Variants in GRK4 observed in about 807,000 individuals in gnomAD.
GRK4 encodes G protein-coupled receptor kinase 2-like.
In GRK4, 73 loss-of-function variants were observed where a neutral mutation model predicts 77.9. The observed-to-expected ratio is 0.94, with a 90% CI of 0.78 to 1.14. The LOEUF is 1.14. Among genes scored for constraint, GRK4 ranks in the 50% most tolerant of loss-of-function variants. The probability of loss-of-function intolerance (pLI) is 0.00; values close to 1 mark genes in which losing one functional copy is unlikely to be tolerated. For synonymous variants in GRK4, 257 were observed against 254.4 expected (o/e 1.01, Z -0.10); for missense variants, 729 against 700.2 (o/e 1.04, Z -0.46).
In GRK4 at chr4:3,019,794, G is replaced by A. The variant is rs773963698; in HGVS notation, c.895G>A (p.Gly299Ser). Residue 299 changes from glycine to serine, a missense_variant, in exon 9 of 16, where the codon GGC becomes AGC. By Grantham distance (56) the Gly-to-Ser change is moderately conservative. Coordinates refer to ENST00000398052, the MANE Select transcript of GRK4 (RefSeq NM_182982.3). ...TTTCTATGCTGCAGAGCTGTGTTGC[G>A]GCTTGGAAGATTTACAGAGGGAAAG... ...AVFYAAELCC[G>S]LEDLQRERIV... The A allele has an allele frequency of 1.6e-5, 26 of 1,613,984 alleles. No individual in the cohort carries two copies. In the South Asian group the frequency reaches 1.8e-4, roughly 11 times the overall value.
At chr4:2,973,066 C>T (rs1459713776) in intron 1 of GRK4, among the ~76,000 whole-genome samples, 1 of 152,188 alleles carries the variant, frequency 6.6e-6, no homozygotes, top group Admixed American at 6.5e-5. Context: ...AGTGTGGGGT[C>T]AGTTAGATGC....
intron 1 of GRK4, among the ~76,000 whole-genome samples, chr4:2,977,364 T>C (rs937298903): frequency 4.6e-5 from 7 of 152,186 alleles, no homozygotes; most frequent in Non-Finnish European, 8.8e-5. Context: ...CTGAACTAAA[T>C]GTGTTGCTGC....
At chr4:2,985,984 CAA>C (rs1181104072) in intron 2 of GRK4, among the ~76,000 whole-genome samples, 8 of 91,680 alleles carry the variant, frequency 8.7e-5, no homozygotes, top group Admixed American at 1.2e-4. Flanking sequence ...GACTCCGTCT[CAA>C]AAAAAAAAAA....
intron 7 of GRK4, among the ~76,000 whole-genome samples, chr4:3,013,356 A>C (rs967910654): frequency 3.3e-5 from 5 of 152,066 alleles, no homozygotes; most frequent in Admixed American, 3.3e-4. Flanking sequence ...CCAGCTGAAA[A>C]AGAATCTTTT....
chr4:2,983,880 G>A (rs1189671790), intron 1 of GRK4, among the ~76,000 whole-genome samples: 1 of 152,204 alleles, frequency 6.6e-6, no homozygotes, highest in Middle Eastern at 3.4e-3. Context: ...AGCAAGGCAC[G>A]TCTTACATGG....
intron 7 of GRK4, 81 bp downstream of exon 7, chr4:3,009,792 C>A: frequency 1.0e-6 from 1 of 966,014 alleles, no homozygotes; most frequent in Non-Finnish European, 1.7e-6. Context: ...TCAGGTAATG[C>A]ATCAGCTCTC....
intron 1 of GRK4, 126 bp downstream of exon 1, chr4:2,964,248 T>TCCCA: frequency 3.7e-6 from 3 of 817,280 alleles, no homozygotes; most frequent in Non-Finnish European, 3.8e-6. Context: ...CCCCGACACC[T>TCCCA]CCCACTGGGG....
At chr4:3,003,585 T>C (rs895486049) in intron 4 of GRK4, among the ~76,000 whole-genome samples, 7 of 152,192 alleles carry the variant, frequency 4.6e-5, no homozygotes, top group African/African-American at 1.7e-4. Context: ...TGAATAATAT[T>C]CCACTGTGTA....
At chr4:2,974,781 G>A (rs1272470896) in intron 1 of GRK4, among the ~76,000 whole-genome samples, 1 of 152,152 alleles carries the variant, frequency 6.6e-6, no homozygotes, top group Non-Finnish European at 1.5e-5. Flanking sequence ...TCACCCGAGT[G>A]GTACACCTGT....
At chr4:2,977,408 T>C (rs1721543572) in intron 1 of GRK4, among the ~76,000 whole-genome samples, 1 of 152,208 alleles carries the variant, frequency 6.6e-6, no homozygotes, top group Non-Finnish European at 1.5e-5. Context: ...CTGCTACGCC[T>C]ACTGCTAGAC....
At chr4:2,992,109 C>T in intron 3 of GRK4, 106 bp from the exon 4 acceptor site, 2 of 670,754 alleles carry the variant, frequency 3.0e-6, no homozygotes, top group Non-Finnish European at 5.3e-6. Context: ...AACTCTTGAG[C>T]TCAAGTGATC....
chr4:2,984,659 C>A, intron 2 of GRK4, 51 bp downstream of exon 2: 1 of 912,624 alleles, frequency 1.1e-6, no homozygotes, highest in Non-Finnish European at 1.7e-6. Flanking sequence ...GGCATGATAC[C>A]ATTCATTAGA....
At chr4:3,028,037 A>T in intron 11 of GRK4, 36 bp downstream of exon 11, 1 of 1,589,224 alleles carries the variant, frequency 6.3e-7, no homozygotes, top group East Asian at 2.2e-5. Context: ...TGTCCTTTCT[A>T]TCCGGGTGCC....
At chr4:3,036,735 A>G (rs560329147) in intron 13 of GRK4, among the ~76,000 whole-genome samples, 8 of 152,254 alleles carry the variant, frequency 5.3e-5, no homozygotes, top group African/African-American at 1.9e-4. Flanking sequence ...CAGGGAGCTG[A>G]GCGGAGGGAT....
At chr4:3,036,214 G>A (rs1053878822) in intron 13 of GRK4, among the ~76,000 whole-genome samples, 5 of 152,220 alleles carry the variant, frequency 3.3e-5, no homozygotes, top group Non-Finnish European at 7.3e-5. Flanking sequence ...TCTGGAACGC[G>A]TGTCCCCACT....
chr4:3,023,357 T>C, intron 10 of GRK4, among the ~76,000 whole-genome samples: 1 of 152,156 alleles, frequency 6.6e-6, no homozygotes, highest in Non-Finnish European at 1.5e-5. Flanking sequence ...GAGAGCTTCT[T>C]TCAAGTGAGT....
intron 1 of GRK4, among the ~76,000 whole-genome samples, chr4:2,982,227 T>C (rs1039021708): frequency 9.2e-5 from 14 of 152,244 alleles, no homozygotes; most frequent in Admixed American, 9.2e-4. Flanking sequence ...TCCCACCTGT[T>C]CCTGGCTTCC....
chr4:2,979,403 C>CAAAAAAAAAA (rs144374548), intron 1 of GRK4, among the ~76,000 whole-genome samples: 1 of 59,194 alleles, frequency 1.7e-5, no homozygotes, highest in Non-Finnish European at 3.1e-5. Flanking sequence ...GACTCTGTCT[C>CAAAAAAAAAA]AAAAAAAAAA....
intron 5 of GRK4, among the ~76,000 whole-genome samples, chr4:3,006,057 A>G (rs963190915): frequency 2.0e-5 from 3 of 151,954 alleles, no homozygotes; most frequent in Non-Finnish European, 1.5e-5. Context: ...AAAATGGATT[A>G]GAGTAAATGG....
Sources: allele counts gnomAD v4.1 joint callset (sites outside exome capture counted in the v4.1 genomes callset), GRCh38; gene constraint gnomAD v4.1.1; transcripts MANE v1.5; gene names NCBI Gene and HGNC (gene_info 2026-07-23, HGNC 2026-07-21).